The following RABGGTB variants were observed in gnomAD, a reference collection of about 807,000 sequenced individuals.
The protein encoded by RABGGTB is Rab geranylgeranyltransferase subunit beta, also known as geranylgeranyl transferase type-2 subunit beta.
RABGGTB carries 20 observed loss-of-function variants against 44.5 expected under a neutral mutation model. That is an observed-to-expected ratio of 0.45 (90% CI 0.32 to 0.65). The LOEUF (loss-of-function observed/expected upper bound fraction) is 0.65. Ranked by LOEUF, RABGGTB falls within the 30% of genes least tolerant of loss-of-function variation. RABGGTB has a pLI of 0.05. For synonymous variants in RABGGTB, 128 were observed against 136.7 expected, an observed-to-expected ratio of 0.94 and a Z score of 0.44; for missense variants, 302 against 398.7, an observed-to-expected ratio of 0.76 and a Z score of 2.06.
intron 8 of RABGGTB, 22 bp downstream of exon 8, chr1:75,794,255 T>C (rs768837452): frequency 3.2e-6 from 5 of 1,577,590 alleles, no homozygotes; most frequent in South Asian, 2.3e-5. Context: ...TTCTGACATA[T>C]TTCTATAAAT....
intron 4 of RABGGTB, 79 bp from the exon 5 acceptor site, chr1:75,791,206 A>G: frequency 8.6e-7 from 1 of 1,168,356 alleles, no homozygotes; most frequent in African/African-American, 1.5e-5. Context: ...TTAAAGTGGT[A>G]GTTGTGCAGT....
In RABGGTB at chr1:75,790,127, G is replaced by T. The variant is rs75980591; in HGVS notation, c.415+70G>T. The T allele has an allele frequency of 7.1e-4, 1,127 of 1,588,162 alleles. 4 individuals are homozygous for T. The African/African-American group carries it at 0.012, about 17-fold the overall frequency. On this transcript the variant is annotated intron_variant, in intron 4 of 8. Coordinates refer to ENST00000319942, the MANE Select transcript of RABGGTB (RefSeq NM_004582.4). ...AATGTACTGGTTTTGCTAGTAACCA[G>T]TTTATAAGTTTTTCATCTTTTCAGG...
chr1:75,794,428 T>C (rs1040621934), intron 8 of RABGGTB, 82 bp from the exon 9 acceptor site: 2 of 1,416,308 alleles, frequency 1.4e-6, no homozygotes. Flanking sequence ...AAAATTAGTA[T>C]ATGGTAAAGG....
In RABGGTB at chr1:75,792,229, G is replaced by A. The variant is rs749296440; in HGVS notation, c.628G>A (p.Val210Ile). The A allele has an allele frequency of 1.4e-5, 22 of 1,613,966 alleles. No individual in the cohort carries two copies. Among genetic ancestry groups the A allele is most frequent in the Non-Finnish European group, 1.8e-5 (21 of 1,179,858 alleles). Residue 210 changes from valine to isoleucine, a missense_variant, in exon 7 of 9, where the codon GTA (valine) becomes ATA (isoleucine). Val to Ile is a conservative substitution (Grantham distance 29). Coordinates refer to ENST00000319942, the MANE Select transcript of RABGGTB (RefSeq NM_004582.4). ...FLAITSQLHQVNSDLLGWWLC... is the reference protein window; with the variant it reads ...FLAITSQLHQINSDLLGWWLC... ...GGCAATTACAAGTCAGTTGCATCAA[G>A]TAAATTCTGATTTACTTGGCTGGTG...
intron 2 of RABGGTB, chr1:75,788,094 C>T: frequency 2.9e-6 from 1 of 347,376 alleles, no homozygotes. Flanking sequence ...ACTCAGTTGT[C>T]TTAGTCTACC....
chr1:75,788,028 G>C, intron 2 of RABGGTB: 1 of 452,678 alleles, frequency 2.2e-6, no homozygotes, highest in Non-Finnish European at 4.4e-6. Flanking sequence ...GACAATCTTA[G>C]CAAAAAGTAG....
intron 6 of RABGGTB, 56 bp from the exon 7 acceptor site, chr1:75,792,125 T>C: frequency 6.8e-7 from 1 of 1,463,476 alleles, no homozygotes; most frequent in Non-Finnish European, 9.4e-7. Flanking sequence ...TTGAGTTTTA[T>C]CACTTTTAAT....
intron 7 of RABGGTB, 50 bp downstream of exon 7, chr1:75,792,356 GCTGCTGCTTTGTCTTGCCTGTT>G (rs1249273976): frequency 5.0e-6 from 8 of 1,592,000 alleles, no homozygotes; most frequent in Non-Finnish European, 6.9e-6. Context: ...TTGAGTGAAT[GCTGCTGCTTTGTCTTGCCTGTT>G]TCTATATTGT....
chr1:75,787,614 AT>A lies in RABGGTB; in HGVS notation c.111+17del. ...AAAGAAAGATGATTATGTATGTATA[AT>A]TTTTTTATGTTGGAAAGTTTATTTT... On this transcript the variant is annotated intron_variant, in intron 2 of 8. Transcript: ENST00000319942. The A allele has an allele frequency of 6.3e-7, 1 of 1,590,188 alleles. No individual in the cohort carries two copies. The highest frequency in any genetic ancestry group is 2.2e-5 in the East Asian group (1 of 44,734).
intron 2 of RABGGTB, 153 bp from the exon 3 acceptor site, chr1:75,789,006 C>T: frequency 3.2e-6 from 2 of 634,896 alleles, no homozygotes; most frequent in South Asian, 4.0e-5. Flanking sequence ...TAACATTGAG[C>T]AGCACAGATT....
At chr1:75,786,297 T>C (rs757801329) in intron 1 of RABGGTB, 23 bp downstream of exon 1, 2 of 1,614,184 alleles carry the variant, frequency 1.2e-6, no homozygotes, top group Non-Finnish European at 1.7e-6. Flanking sequence ...TTAGCGCTGC[T>C]GTCCGGATGG....
At chr1:75,791,251 A>G in intron 4 of RABGGTB, 34 bp from the exon 5 acceptor site, 1 of 1,562,532 alleles carries the variant, frequency 6.4e-7, no homozygotes. Context: ...TGATTTGGTA[A>G]CACCTGCCTT....
chr1:75,793,839 A>G (rs930956179), intron 7 of RABGGTB: 10 of 397,878 alleles, frequency 2.5e-5, no homozygotes, highest in Non-Finnish European at 4.5e-5. Context: ...GAGTACTGAG[A>G]TATTTAGCAT....
chr1:75,789,630 C>T (rs1649597946), intron 3 of RABGGTB: 4 of 641,384 alleles, frequency 6.2e-6, no homozygotes, highest in South Asian at 1.6e-5. Context: ...TATTAGTGAA[C>T]ATCTACCTGG....
rs1223097216 is a variant in RABGGTB, at chr1:75,789,820, GTC to G, written c.310-130_310-129del. ...TCTAATTTTATTCAATAACAGGAGA[GTC>G]TGCATATTTGAGAAAAGGTTATATA... On this transcript the variant is annotated intron_variant, in intron 3 of 8. Transcript: ENST00000319942. 20 of 650,100 alleles carry G rather than the reference GTC, an allele frequency of 3.1e-5. No homozygotes were observed. In the Admixed American group the frequency reaches 3.6e-4, roughly 12 times the overall value. The allele number at this position is 650,100 out of a possible 1,614,324, so 40.3% of individuals were successfully genotyped here. A position where few individuals can be genotyped will look rare whatever the true frequency, so the allele number is the denominator to read the frequency against.
Position 75,791,553 on chromosome 1 carries a change from T to C in RABGGTB, c.561T>C (p.Ser187=), listed in dbSNP as rs1649647895. 6.2e-7 allele frequency: 1 copy of C among 1,611,338 alleles called. No individual in the cohort carries two copies. Among genetic ancestry groups the C allele is most frequent in the Non-Finnish European group, 8.5e-7 (1 of 1,179,242 alleles). ...FDGGFGCRPG[S]ESHAGQIYCC... The stretch of plus-strand genomic sequence containing the variant: ...GTGGATTTGGTTGCAGACCAGGTTC[T>C]GAATCCCATGCTGGGCAGGTAATTT... The change falls in exon 6 of 9, where the codon TCT becomes TCC. Residue 187 remains serine (S), a synonymous_variant. Coordinates refer to ENST00000319942, the MANE Select transcript of RABGGTB (RefSeq NM_004582.4).
At chr1:75,790,552 C>A in intron 4 of RABGGTB, 1 of 860,126 alleles carries the variant, frequency 1.2e-6, no homozygotes, top group Non-Finnish European at 1.4e-6. Flanking sequence ...TGGACTAATA[C>A]TTTGGGTTCT....
chr1:75,790,518 G>GT, intron 4 of RABGGTB: 1 of 994,322 alleles, frequency 1.0e-6, no homozygotes, highest in Non-Finnish European at 1.2e-6. Flanking sequence ...ATAAAGTAGG[G>GT]TAAGTTTATT....
At position 75,791,590 on chromosome 1, in the gene RABGGTB, TGAAA is replaced by T; in HGVS notation, c.579+20_579+23del. On this transcript the variant is annotated intron_variant, in intron 6 of 8. Coordinates refer to ENST00000319942, the MANE Select transcript of RABGGTB (RefSeq NM_004582.4). ...TGGGCAGGTAATTTATGAATACAGA[TGAAA>T]ATGTATTGTCATTTTGGAAGCCAGT... 2 of 1,564,936 alleles carry T rather than the reference TGAAA, an allele frequency of 1.3e-6. No homozygotes were observed. The highest frequency in any genetic ancestry group is 1.7e-6 in the Non-Finnish European group (2 of 1,147,934).
Sources: gnomAD v4.1 joint callset for allele counts on GRCh38, gnomAD v4.1.1 for gene constraint, MANE v1.5 for transcripts, NCBI Gene and HGNC (gene_info 2026-07-23, HGNC 2026-07-21) for gene names.